GDAP2: variants seen among roughly 807,000 people sequenced by gnomAD.
The protein encoded by GDAP2 is ganglioside-induced differentiation-associated protein 2.
In GDAP2, 51 loss-of-function variants were observed where a neutral mutation model predicts 67.0. The observed-to-expected ratio is 0.76, with a 90% CI of 0.61 to 0.96. GDAP2 has a LOEUF of 0.96. GDAP2 is among the 40% of genes least tolerant of loss of function. The probability of loss-of-function intolerance (pLI) is 0.00; values close to 1 mark genes in which losing one functional copy is unlikely to be tolerated. For missense variants in GDAP2, 547 were observed against 588.3 expected, an observed-to-expected ratio of 0.93 and a Z score of 0.73; for synonymous variants, 203 against 207.3, an observed-to-expected ratio of 0.98 and a Z score of 0.18.
chr1:117,892,246 AAAGAGT>A (rs1303518468), intron 8 of GDAP2, among the ~76,000 whole-genome samples: 1 of 152,166 alleles, frequency 6.6e-6, no homozygotes, highest in Non-Finnish European at 1.5e-5. Flanking sequence ...AGTTGGGAAG[AAAGAGT>A]AAAAGCAAAA....
At chr1:117,923,168 C>T (rs553874390) in intron 1 of GDAP2, among the ~76,000 whole-genome samples, 1 of 152,248 alleles carries the variant, frequency 6.6e-6, no homozygotes, top group South Asian at 2.1e-4. Context: ...TGAAGGTGCC[C>T]AGATTTCATA....
In GDAP2 at chr1:117,912,518, A is replaced by G. The variant is rs770062628; in HGVS notation, c.470+12T>C. On this transcript the variant is annotated intron_variant, in intron 4 of 13. Transcript: ENST00000369443. ...TATGATATGCTATGTCCAGAAAATG[A>G]GTAGACCATACTTTGCTAGTTGAAG... 1.1e-5 allele frequency: 17 copies of G among 1,609,280 alleles called. No individual in the cohort carries two copies. Among genetic ancestry groups the G allele is most frequent in the Non-Finnish European group, 1.4e-5 (16 of 1,176,524 alleles).
At chr1:117,879,865 G>C (rs187534755) in intron 12 of GDAP2, among the ~76,000 whole-genome samples, 308 of 152,118 alleles carry the variant, frequency 2.0e-3, no homozygotes, top group Non-Finnish European at 3.2e-3. Flanking sequence ...AGAAACACGG[G>C]AACACTAACA....
At chr1:117,923,322 T>C (rs939029165) in intron 1 of GDAP2, among the ~76,000 whole-genome samples, 11 of 152,312 alleles carry the variant, frequency 7.2e-5, no homozygotes, top group East Asian at 1.9e-4. Context: ...AGAGTATTGA[T>C]TGGGGAAGTG....
chr1:117,906,138 C>T (rs1649648419), intron 6 of GDAP2, among the ~76,000 whole-genome samples: 1 of 152,138 alleles, frequency 6.6e-6, no homozygotes, highest in African/African-American at 2.4e-5. Flanking sequence ...TAGGCTGTCA[C>T]CTGGTCAGGC....
At chr1:117,870,771 T>C (rs1648231568) in intron 13 of GDAP2, among the ~76,000 whole-genome samples, 155 bp from the exon 14 acceptor site, 1 of 152,210 alleles carries the variant, frequency 6.6e-6, no homozygotes, top group Admixed American at 6.5e-5. Flanking sequence ...GTAGTTCAAC[T>C]AGTATCACTC....
In GDAP2 at chr1:117,896,838, T is replaced by C. The variant is rs1557801603; in HGVS notation, c.948A>G (p.Gln316=). 1.2e-6 allele frequency: 2 copies of C among 1,610,048 alleles called. No homozygotes were observed. Among genetic ancestry groups the C allele is most frequent in the Non-Finnish European group, 1.7e-6 (2 of 1,178,220 alleles). ...LSEAALQKQH[Q]RNYNRWLCQA... ...GTCCTGAAGGGTTGTCTTACTTTCTTTGATGCTGCTTCTGCAGAGCTGCCT... is the reference window on the plus strand; with the variant it reads ...GTCCTGAAGGGTTGTCTTACTTTCTCTGATGCTGCTTCTGCAGAGCTGCCT... The change falls in exon 8 of 14, where the codon CAA becomes CAG. Residue 316 remains glutamine, a synonymous_variant. Coordinates refer to ENST00000369443, the MANE Select transcript of GDAP2 (RefSeq NM_017686.4).
Position 117,868,880 on chromosome 1 carries a change from G to A in GDAP2, c.*1689C>T, listed in dbSNP as rs1648163342. 6.6e-6 allele frequency: 1 copy of A among 152,118 alleles called. No individual in the cohort carries two copies. Among genetic ancestry groups the A allele is most frequent in the Non-Finnish European group, 1.5e-5 (1 of 68,026 alleles). The allele number at this position is 152,118 out of a possible 1,614,324, so 9.4% of individuals were successfully genotyped here. ...TAAGGATCAAGTAATTTTGAGGTCT[G>A]ACACAAAGAAAATGTGTTCAATACA... On this transcript the variant is annotated 3_prime_UTR_variant, in exon 14 of 14. Transcript: ENST00000369443.
chr1:117,913,113 G>A (rs1557808090), intron 3 of GDAP2, among the ~76,000 whole-genome samples: 2 of 152,128 alleles, frequency 1.3e-5, no homozygotes. Context: ...TCTGGGCAGG[G>A]GCTTAGCCTT....
intron 3 of GDAP2, among the ~76,000 whole-genome samples, chr1:117,914,101 C>A (rs1649962642): frequency 6.6e-6 from 1 of 152,156 alleles, no homozygotes; most frequent in African/African-American, 2.4e-5. Context: ...GACTTAGACA[C>A]CCATGTGTAC....
intron 6 of GDAP2, among the ~76,000 whole-genome samples, chr1:117,900,782 C>T (rs569714991): frequency 1.3e-5 from 2 of 149,826 alleles, no homozygotes; most frequent in African/African-American, 2.4e-5. Flanking sequence ...AAAAAAAGGC[C>T]GGGCACGGTG....
chr1:117,896,794 T>C (rs773028280), intron 8 of GDAP2, 39 bp downstream of exon 8: 2 of 1,442,758 alleles, frequency 1.4e-6, no homozygotes, highest in Non-Finnish European at 1.9e-6. Flanking sequence ...TTGCTTCTGA[T>C]GTCCTTATGT....
rs750150771 is a variant in GDAP2 at position 117,886,588 on chromosome 1, C to A, written c.1096G>T (p.Asp366Tyr). The A allele has an allele frequency of 1.3e-6, 2 of 1,535,614 alleles. No homozygotes were observed. The highest frequency in any genetic ancestry group is 1.8e-6 in the Non-Finnish European group (2 of 1,108,740). Residue 366 changes from aspartate to tyrosine, a missense_variant, in exon 10 of 14, where the codon GAT becomes TAT. Physicochemically the swap from Asp to Tyr is radical, Grantham distance 160. Transcript: ENST00000369443. ...TTTTTATGGCTTACCTTGTCCATAT[C>A]TATTAATGTTACAGGAATGTTTCTT... Reference protein sequence around the residue: ...VGRNIPVTLIDMDKALLYFIH... With the variant: ...VGRNIPVTLIYMDKALLYFIH...
chr1:117,891,939 C>T (rs1420815877), intron 8 of GDAP2, among the ~76,000 whole-genome samples: 4 of 152,174 alleles, frequency 2.6e-5, no homozygotes, highest in Non-Finnish European at 4.4e-5. Context: ...AATGTTTAAA[C>T]CTTGATTGAT....
At chr1:117,874,605 A>G (rs1648393933) in intron 13 of GDAP2, among the ~76,000 whole-genome samples, 2 of 152,332 alleles carry the variant, frequency 1.3e-5, no homozygotes, top group Non-Finnish European at 1.5e-5. Context: ...GGGTGTTGCT[A>G]TAAAGAGACC....
chr1:117,926,952 G>T (rs1433054431), intron 1 of GDAP2, among the ~76,000 whole-genome samples: 1 of 151,696 alleles, frequency 6.6e-6, no homozygotes, highest in African/African-American at 2.4e-5. Context: ...AAAATCAGTT[G>T]ATCAGCTCTG....
intron 1 of GDAP2, among the ~76,000 whole-genome samples, chr1:117,921,876 T>A (rs546928373): frequency 1.3e-5 from 2 of 152,282 alleles, no homozygotes; most frequent in East Asian, 3.9e-4. Flanking sequence ...ATTTGGAATG[T>A]ATTTTGAAGG....
intron 1 of GDAP2, among the ~76,000 whole-genome samples, chr1:117,926,061 C>T (rs1368345031): frequency 1.3e-5 from 2 of 152,164 alleles, no homozygotes; most frequent in Non-Finnish European, 2.9e-5. Context: ...AAAAGGTTTT[C>T]CTCCTTTATT....
Position 117,877,293 on chromosome 1 carries a change from C to A in GDAP2, c.1446+716G>T, listed in dbSNP as rs1004129288. 1.0e-5 allele frequency: 10 copies of A among 957,268 alleles called. No homozygotes were observed. In the African/African-American group the frequency reaches 1.1e-4, roughly 10 times the overall value. The allele number at this position is 957,268 out of a possible 1,614,324, so 59.3% of individuals were successfully genotyped here. ...TTAGGGAAGAATAATTCATTTCAAA[C>A]TTAATATAACTTTCAAATCTATCCC... On this transcript the variant is annotated intron_variant, in intron 13 of 13. Transcript: ENST00000369443.
Sources: gnomAD v4.1 joint callset for allele counts (sites outside exome capture counted in the v4.1 genomes callset) on GRCh38, gnomAD v4.1.1 for gene constraint, MANE v1.5 for transcripts, NCBI Gene and HGNC (gene_info 2026-07-23, HGNC 2026-07-21) for gene names.